Variants in ROBO1 observed in about 807,000 individuals in gnomAD.
The protein encoded by ROBO1 is roundabout guidance receptor 1.
In ROBO1, 149 loss-of-function variants were observed where a neutral mutation model predicts 195.9. The observed-to-expected ratio is 0.76, with a 90% confidence interval of 0.67 to 0.87. The LOEUF (loss-of-function observed/expected upper bound fraction) is 0.87, where lower values mean the gene tolerates loss of function less well. Among genes scored for constraint, ROBO1 ranks in the 40% least tolerant of loss-of-function variants. The probability of loss-of-function intolerance (pLI) is 0.00; values close to 1 mark genes in which losing one functional copy is unlikely to be tolerated. For missense variants in ROBO1, 1,933 were observed against 2,068.3 expected (o/e 0.93, Z 1.27); for synonymous variants, 816 against 733.2 (o/e 1.11, Z -1.82).
At chr3:79,429,213 G>T (rs1430029470) in intron 2 of ROBO1, among the ~76,000 whole-genome samples, 1 of 152,088 alleles carries the variant, frequency 6.6e-6, no homozygotes, top group Non-Finnish European at 1.5e-5. Flanking sequence ...CCCTCCAAGG[G>T]CCATACATAC....
At chr3:78,889,750 TA>T (rs2036781691) in intron 4 of ROBO1, among the ~76,000 whole-genome samples, 1 of 146,268 alleles carries the variant, frequency 6.8e-6, no homozygotes, top group South Asian at 2.2e-4. Context: ...AGTCAGTCAG[TA>T]AAAAAGGATA....
At chr3:79,682,498 T>C (rs982195701) in intron 1 of ROBO1, among the ~76,000 whole-genome samples, 1 of 152,154 alleles carries the variant, frequency 6.6e-6, no homozygotes. Flanking sequence ...ACTCCTAAAA[T>C]CATATATCAG....
intron 2 of ROBO1, among the ~76,000 whole-genome samples, chr3:79,150,343 T>A (rs1393870419): frequency 6.6e-6 from 1 of 151,848 alleles, no homozygotes; most frequent in Non-Finnish European, 1.5e-5. Flanking sequence ...TCCATCCTTT[T>A]ATTTTTCAGT....
chr3:78,856,970 T>C (rs555365969), intron 4 of ROBO1, among the ~76,000 whole-genome samples: 1 of 152,128 alleles, frequency 6.6e-6, no homozygotes, highest in South Asian at 2.1e-4. Context: ...TAAGCTTTGA[T>C]TTTTTCTAAC....
At chr3:79,480,730 T>C (rs1047073906) in intron 2 of ROBO1, among the ~76,000 whole-genome samples, 24 of 152,270 alleles carry the variant, frequency 1.6e-4, no homozygotes, top group Non-Finnish European at 2.6e-4. Flanking sequence ...TCAATGCATA[T>C]TCAAGAAATT....
At chr3:79,280,736 A>C (rs1326962972) in intron 2 of ROBO1, among the ~76,000 whole-genome samples, 1 of 152,212 alleles carries the variant, frequency 6.6e-6, no homozygotes, top group Non-Finnish European at 1.5e-5. Context: ...CATCCCGAAC[A>C]GTTTCAAGCA....
At chr3:78,918,406 G>C (rs1025315007) in intron 4 of ROBO1, among the ~76,000 whole-genome samples, 1 of 152,066 alleles carries the variant, frequency 6.6e-6, no homozygotes, top group Admixed American at 6.5e-5. Context: ...AGAGCGGCTT[G>C]GAAAAGTTAT....
intron 4 of ROBO1, among the ~76,000 whole-genome samples, chr3:78,921,099 G>A (rs1049382127): frequency 2.6e-5 from 4 of 152,274 alleles, no homozygotes; most frequent in African/African-American, 9.6e-5. Flanking sequence ...ACATAAATCA[G>A]TGCCAGACAC....
chr3:79,303,159 GGTTTTTTTTTTTTT>G (rs2033051150), intron 2 of ROBO1, among the ~76,000 whole-genome samples: 1 of 72,090 alleles, frequency 1.4e-5, no homozygotes, highest in Non-Finnish European at 2.4e-5. Context: ...ATCTCACATA[GGTTTTTTTTTTTTT>G]TTTTTTTTTT....
At chr3:79,104,900 C>A (rs1400350121) in intron 3 of ROBO1, among the ~76,000 whole-genome samples, 1 of 151,696 alleles carries the variant, frequency 6.6e-6, no homozygotes, top group Non-Finnish European at 1.5e-5. Context: ...CAGACCCATA[C>A]ATATATGATG....
chr3:78,711,962 T>C (rs2081763062), intron 8 of ROBO1, among the ~76,000 whole-genome samples: 1 of 139,342 alleles, frequency 7.2e-6, no homozygotes, highest in African/African-American at 2.7e-5. Context: ...AGAGGAATAT[T>C]TAAAGACATA....
At chr3:79,718,185 T>A (rs949968173) in intron 1 of ROBO1, among the ~76,000 whole-genome samples, 2 of 151,996 alleles carry the variant, frequency 1.3e-5, no homozygotes, top group Admixed American at 1.3e-4. Flanking sequence ...GAAAAGAAAT[T>A]CAAATATTAA....
chr3:78,856,688 C>T (rs1278295404), intron 4 of ROBO1, among the ~76,000 whole-genome samples: 4 of 150,814 alleles, frequency 2.7e-5, no homozygotes, highest in African/African-American at 9.7e-5. Context: ...ACCCAATCTC[C>T]TTTGATATAT....
chr3:79,053,631 G>A (rs529321063), intron 3 of ROBO1, among the ~76,000 whole-genome samples: 1 of 151,648 alleles, frequency 6.6e-6, no homozygotes, highest in African/African-American at 2.4e-5. Flanking sequence ...ACACATGGAC[G>A]CTAGTAATCA....
chr3:79,315,007 A>C (rs2033669947), intron 2 of ROBO1, among the ~76,000 whole-genome samples: 1 of 151,104 alleles, frequency 6.6e-6, no homozygotes, highest in Non-Finnish European at 1.5e-5. Context: ...TTTGAATAAA[A>C]ATGAGGACAG....
chr3:78,720,157 T>A (rs1316979685), intron 5 of ROBO1, among the ~76,000 whole-genome samples: 1 of 151,522 alleles, frequency 6.6e-6, no homozygotes, highest in East Asian at 1.9e-4. Context: ...GACCTTAGTA[T>A]CAACATTGAG....
At chr3:78,856,118 A>G (rs2034410826) in intron 4 of ROBO1, among the ~76,000 whole-genome samples, 1 of 151,916 alleles carries the variant, frequency 6.6e-6, no homozygotes, top group African/African-American at 2.4e-5. Flanking sequence ...TTTCCTAAGT[A>G]ATCTACATGA....
At chr3:78,770,712 C>T (rs1576129592) in intron 4 of ROBO1, among the ~76,000 whole-genome samples, 1 of 152,066 alleles carries the variant, frequency 6.6e-6, no homozygotes, top group African/African-American at 2.4e-5. Flanking sequence ...AAGCCAATAT[C>T]CAGAATAGTG....
chr3:79,095,989 T>G (rs2079559056), intron 3 of ROBO1, among the ~76,000 whole-genome samples: 3 of 152,054 alleles, frequency 2.0e-5, no homozygotes. Context: ...ATACTTTCTG[T>G]TTTTGTTTTC....
Sources: gnomAD v4.1 joint callset for allele counts (sites outside exome capture counted in the v4.1 genomes callset) on GRCh38, gnomAD v4.1.1 for gene constraint, MANE v1.5 for transcripts, NCBI Gene and HGNC (gene_info 2026-07-23, HGNC 2026-07-21) for gene names.